The following LRMDA variants were observed in gnomAD, a reference collection of about 807,000 sequenced individuals.
LRMDA encodes leucine rich melanocyte differentiation associated.
A neutral mutation model predicts 29.8 loss-of-function variants in LRMDA; 18 were observed. The observed-to-expected ratio is 0.60, with a 90% CI of 0.42 to 0.90. The LOEUF (loss-of-function observed/expected upper bound fraction) is 0.90, where lower values mean the gene tolerates loss of function less well. LRMDA is among the 40% of genes least tolerant of loss of function. The pLI, the probability that LRMDA is intolerant of heterozygous loss-of-function variation, is 0.00. For synonymous variants in LRMDA, 125 were observed against 109.4 expected (o/e 1.14, Z -0.89); for missense variants, 273 against 273.9 (o/e 1.00, Z 0.02).
intron 6 of LRMDA, among the ~76,000 whole-genome samples, chr10:76,527,021 TA>T (rs1165346405): frequency 1.0e-4 from 6 of 58,676 alleles, no homozygotes; most frequent in Non-Finnish European, 2.0e-4. Context: ...AATAAATAAA[TA>T]AAAATGCCCT....
At chr10:76,078,447 A>G (rs1848996793) in intron 5 of LRMDA, among the ~76,000 whole-genome samples, 2 of 152,158 alleles carry the variant, frequency 1.3e-5, no homozygotes, top group Non-Finnish European at 2.9e-5. Flanking sequence ...AAGGAGGAGA[A>G]CCAAGATGAG....
At chr10:76,333,409 C>T (rs1840928047) in intron 6 of LRMDA, among the ~76,000 whole-genome samples, 1 of 152,106 alleles carries the variant, frequency 6.6e-6, no homozygotes, top group Non-Finnish European at 1.5e-5. Flanking sequence ...CTTAGATTTC[C>T]AGATAACCAG....
chr10:75,518,562 T>C (rs1368946533), intron 2 of LRMDA, among the ~76,000 whole-genome samples: 1 of 152,216 alleles, frequency 6.6e-6, no homozygotes, highest in Non-Finnish European at 1.5e-5. Context: ...TTTATCATTT[T>C]TTATTGTGTC....
At chr10:76,383,326 C>T (rs1480339519) in intron 6 of LRMDA, among the ~76,000 whole-genome samples, 2 of 151,910 alleles carry the variant, frequency 1.3e-5, no homozygotes, top group East Asian at 3.9e-4. Flanking sequence ...GTTTTCTCTA[C>T]AGGCTCCTGG....
At chr10:76,074,318 G>A (rs1848922675) in intron 5 of LRMDA, among the ~76,000 whole-genome samples, 1 of 152,066 alleles carries the variant, frequency 6.6e-6, no homozygotes, top group South Asian at 2.1e-4. Flanking sequence ...TGTTACATTT[G>A]TTTTTCGGGG....
intron 6 of LRMDA, among the ~76,000 whole-genome samples, chr10:76,475,893 T>A (rs373186702): frequency 5.9e-5 from 9 of 151,618 alleles, no homozygotes; most frequent in Admixed American, 2.6e-4. Flanking sequence ...GGGACACATG[T>A]CAAGCAGTGT....
intron 2 of LRMDA, among the ~76,000 whole-genome samples, chr10:75,499,454 C>G (rs543327036): frequency 6.6e-6 from 1 of 152,344 alleles, no homozygotes; most frequent in East Asian, 1.9e-4. Flanking sequence ...CAGGTGCTTA[C>G]TCTCTGGGCC....
At chr10:76,016,968 G>A (rs187960367) in intron 2 of LRMDA, among the ~76,000 whole-genome samples, 110 of 152,202 alleles carry the variant, frequency 7.2e-4, no homozygotes, top group African/African-American at 2.5e-3. Context: ...GTTGTATATG[G>A]GCTGAATTGT....
intron 4 of LRMDA, among the ~76,000 whole-genome samples, chr10:76,050,499 C>T (rs1848513032): frequency 6.6e-6 from 1 of 152,234 alleles, no homozygotes; most frequent in Non-Finnish European, 1.5e-5. Flanking sequence ...CATCATAGTT[C>T]ATGGCTGAGA....
intron 5 of LRMDA, among the ~76,000 whole-genome samples, chr10:76,302,284 C>T (rs909284355): frequency 2.0e-5 from 3 of 152,194 alleles, no homozygotes; most frequent in African/African-American, 7.2e-5. Context: ...AAAAATCTCC[C>T]TGTTGCTCCA....
intron 5 of LRMDA, among the ~76,000 whole-genome samples, chr10:76,208,252 C>G (rs1449035436): frequency 6.6e-6 from 1 of 151,882 alleles, no homozygotes; most frequent in South Asian, 2.1e-4. Context: ...AAAAAGGAAG[C>G]CAACAAATTA....
chr10:76,240,182 ACACACACACAC>A (rs56850579), intron 5 of LRMDA, among the ~76,000 whole-genome samples: 1,725 of 150,046 alleles, frequency 0.011, 30 homozygotes, highest in African/African-American at 0.041. Context: ...AATCGCATAC[ACACACACACAC>A]CACACACACA....
At chr10:75,866,702 G>A (rs139377866) in intron 2 of LRMDA, among the ~76,000 whole-genome samples, 187 of 152,284 alleles carry the variant, frequency 1.2e-3, no homozygotes, top group African/African-American at 4.2e-3. Context: ...ACCCAGGAAC[G>A]GCCAGACATT....
intron 6 of LRMDA, among the ~76,000 whole-genome samples, chr10:76,446,753 G>A (rs79028370): frequency 0.028 from 4,323 of 152,248 alleles, 76 homozygotes; most frequent in Middle Eastern, 0.054. Context: ...GAGCTGCCAC[G>A]TTGCGTGGAA....
intron 2 of LRMDA, among the ~76,000 whole-genome samples, chr10:75,596,939 TTTTC>T (rs1194703710): frequency 2.6e-5 from 4 of 151,834 alleles, no homozygotes; most frequent in African/African-American, 4.8e-5. Flanking sequence ...GAGGTTTTCT[TTTTC>T]TTTCTTTCTT....
intron 2 of LRMDA, among the ~76,000 whole-genome samples, chr10:76,002,846 A>T (rs150634128): frequency 6.6e-6 from 1 of 152,274 alleles, no homozygotes; most frequent in Non-Finnish European, 1.5e-5. Flanking sequence ...CCAGACTGCA[A>T]AGAGTGGGCT....
At chr10:76,145,021 C>G (rs540234782) in intron 5 of LRMDA, among the ~76,000 whole-genome samples, 4 of 152,148 alleles carry the variant, frequency 2.6e-5, no homozygotes, top group Non-Finnish European at 5.9e-5. Flanking sequence ...GTTGAACCAG[C>G]CTTGCATCCA....
chr10:76,202,235 A>T (rs1851447522), intron 5 of LRMDA, among the ~76,000 whole-genome samples: 1 of 152,170 alleles, frequency 6.6e-6, no homozygotes, highest in Admixed American at 6.5e-5. Context: ...ATCTGAACAA[A>T]TTGAGAGCCA....
chr10:75,957,739 GGAGA>G (rs1209183622), intron 2 of LRMDA, among the ~76,000 whole-genome samples: 1 of 152,166 alleles, frequency 6.6e-6, no homozygotes, highest in Non-Finnish European at 1.5e-5. Context: ...TGCATGAGCG[GGAGA>G]GAGTGAGAGG....
Sources: gnomAD v4.1 joint callset for allele counts (sites outside exome capture counted in the v4.1 genomes callset) on GRCh38, gnomAD v4.1.1 for gene constraint, MANE v1.5 for transcripts, NCBI Gene and HGNC (gene_info 2026-07-23, HGNC 2026-07-21) for gene names.